The following DOCK1 variants were observed in gnomAD, a reference collection of about 807,000 sequenced individuals.
The protein encoded by DOCK1 is dedicator of cytokinesis protein 1.
A neutral mutation model predicts 262.7 loss-of-function variants in DOCK1; 138 were observed. The observed-to-expected ratio is 0.53, with a 90% confidence interval of 0.46 to 0.61. DOCK1 has a LOEUF of 0.61. Among genes scored for constraint, DOCK1 ranks in the 20% least tolerant of loss-of-function variants. The pLI, the probability that DOCK1 is intolerant of heterozygous loss-of-function variation, is 0.00. For missense variants in DOCK1, 1,908 were observed against 2,370.7 expected (o/e 0.80, Z 4.05); for synonymous variants, 866 against 867.4 (o/e 1.00, Z 0.03).
At chr10:127,209,769 C>T (rs935880400) in intron 27 of DOCK1, among the ~76,000 whole-genome samples, 1 of 152,168 alleles carries the variant, frequency 6.6e-6, no homozygotes, top group Non-Finnish European at 1.5e-5. Flanking sequence ...AAAGGTTACA[C>T]ATAGAATTTA....
chr10:127,348,915 G>C (rs2063760419), intron 31 of DOCK1, among the ~76,000 whole-genome samples: 1 of 152,122 alleles, frequency 6.6e-6, no homozygotes, highest in Non-Finnish European at 1.5e-5. Context: ...AATTTAATTT[G>C]TGTCTGTGCT....
intron 27 of DOCK1, among the ~76,000 whole-genome samples, chr10:127,226,481 C>T (rs572032791): frequency 7.0e-6 from 1 of 143,576 alleles, no homozygotes; most frequent in Admixed American, 7.3e-5. Context: ...CAGTGGCTCA[C>T]ACCTGTCATC....
chr10:127,394,470 T>C (rs542484329), intron 38 of DOCK1, among the ~76,000 whole-genome samples: 149 of 152,214 alleles, frequency 9.8e-4, no homozygotes, highest in African/African-American at 3.4e-3. Context: ...TGGGGTGAAA[T>C]TTTCACATCT....
intron 1 of DOCK1, among the ~76,000 whole-genome samples, chr10:126,948,614 G>T (rs1043459148): frequency 5.9e-5 from 9 of 152,032 alleles, no homozygotes; most frequent in Admixed American, 5.2e-4. Context: ...GCCACAGATG[G>T]AGAAGGAAAG....
chr10:127,021,392 C>T (rs549221140), intron 13 of DOCK1, among the ~76,000 whole-genome samples: 2 of 152,260 alleles, frequency 1.3e-5, no homozygotes, highest in South Asian at 4.2e-4. Context: ...CTCAAACTCC[C>T]GAGCTCAGGC....
intron 29 of DOCK1, among the ~76,000 whole-genome samples, chr10:127,299,391 G>A (rs970787000): frequency 5.9e-5 from 9 of 152,114 alleles, no homozygotes; most frequent in African/African-American, 9.7e-5. Flanking sequence ...GGCGTGAGCC[G>A]CCGCGCCCGG....
At chr10:127,120,337 T>C (rs2049477255) in intron 25 of DOCK1, among the ~76,000 whole-genome samples, 1 of 152,252 alleles carries the variant, frequency 6.6e-6, no homozygotes, top group South Asian at 2.1e-4. Context: ...TCTAGCATTC[T>C]CTGAGACTGT....
chr10:127,077,255 C>T (rs1177594396), intron 23 of DOCK1, among the ~76,000 whole-genome samples: 1 of 151,836 alleles, frequency 6.6e-6, no homozygotes, highest in African/African-American at 2.4e-5. Context: ...ATTAGCTGGG[C>T]GTGGTGGTGG....
intron 27 of DOCK1, among the ~76,000 whole-genome samples, chr10:127,212,120 C>G (rs1424124720): frequency 1.3e-5 from 2 of 152,194 alleles, no homozygotes; most frequent in Non-Finnish European, 1.5e-5. Flanking sequence ...TGCATCCTTT[C>G]AATGACTCCG....
intron 31 of DOCK1, among the ~76,000 whole-genome samples, chr10:127,352,270 G>A (rs2063917459): frequency 2.1e-5 from 2 of 94,460 alleles, no homozygotes; most frequent in Non-Finnish European, 4.0e-5. Flanking sequence ...TCGGGGAGGG[G>A]TGGGGAGGGG....
At chr10:127,298,552 C>T (rs1389322325) in intron 29 of DOCK1, among the ~76,000 whole-genome samples, 1 of 152,196 alleles carries the variant, frequency 6.6e-6, no homozygotes, top group East Asian at 1.9e-4. Context: ...AATTTCCCCA[C>T]AGCATTTCTC....
intron 1 of DOCK1, among the ~76,000 whole-genome samples, chr10:126,950,166 C>T (rs1165211283): frequency 3.3e-5 from 5 of 152,192 alleles, no homozygotes; most frequent in South Asian, 2.1e-4. Flanking sequence ...CAGTCAGTGG[C>T]TGTTCCATGG....
intron 23 of DOCK1, among the ~76,000 whole-genome samples, chr10:127,094,919 G>A (rs1336448321): frequency 6.6e-6 from 1 of 152,174 alleles, no homozygotes. Flanking sequence ...CTAGACAGGT[G>A]ACCAGTTTTC....
intron 22 of DOCK1, among the ~76,000 whole-genome samples, chr10:127,059,912 T>C (rs9418730): frequency 0.17 from 26,423 of 152,208 alleles, 2,463 homozygotes; most frequent in South Asian, 0.32. Flanking sequence ...GATGTGATCT[T>C]CTTCCAGAGA....
rs1285845994 is a variant in DOCK1 at position 126,995,042 on chromosome 10, G to C, written c.474-1706G>C. On this transcript the variant is annotated intron_variant, in intron 6 of 51. Transcript: ENST00000623213. The surrounding 1 kb of genome is among the most constrained non-coding windows in gnomAD (Gnocchi z 5.8). ...CAGAGACACTCCTCAGTTCCCAGAC[G>C]GGGTCGTGGCTGGGCAGAGGCGCTC... 2.0e-5 allele frequency among the ~76,000 whole-genome samples: 3 copies of C among 151,894 alleles called. No homozygotes were observed. The highest frequency in any genetic ancestry group is 4.4e-5 in the Non-Finnish European group (3 of 67,948).
At position 127,439,008 on chromosome 10, in the gene DOCK1, T is replaced by A; in HGVS notation, c.5061-19T>A. 6.5e-7 allele frequency: 1 copy of A among 1,545,380 alleles called. No individual in the cohort carries two copies. Among genetic ancestry groups the A allele is most frequent in the Non-Finnish European group, 8.7e-7 (1 of 1,144,648 alleles). On this transcript the variant is annotated intron_variant, in intron 48 of 51. Coordinates refer to ENST00000623213, the MANE Select transcript of DOCK1 (RefSeq NM_001290223.2). The stretch of plus-strand genomic sequence containing the variant: ...AAGCAATTGCTCTCCTATTAAGACG[T>A]CATTGACCTTTCCTTTAGGTTTGCC...
intron 29 of DOCK1, among the ~76,000 whole-genome samples, chr10:127,277,921 G>A (rs2060801968): frequency 7.4e-6 from 1 of 134,880 alleles, no homozygotes; most frequent in South Asian, 3.1e-4. Context: ...TCATGTAAAA[G>A]TCAACTTTCT....
chr10:127,066,426 G>A (rs1028773240), intron 23 of DOCK1, among the ~76,000 whole-genome samples: 1 of 152,180 alleles, frequency 6.6e-6, no homozygotes, highest in African/African-American at 2.4e-5. Flanking sequence ...CTCTTTTGGT[G>A]TTTTCCTGAA....
chr10:127,400,405 G>A (rs1055409911), intron 38 of DOCK1, among the ~76,000 whole-genome samples: 1 of 152,230 alleles, frequency 6.6e-6, no homozygotes, highest in Admixed American at 6.5e-5. Flanking sequence ...TGCCTCCCCT[G>A]TGGGAACCTG....
Sources: allele counts gnomAD v4.1 joint callset (sites outside exome capture counted in the v4.1 genomes callset), GRCh38; gene constraint gnomAD v4.1.1; non-coding constraint Gnocchi (gnomAD v3.1); transcripts MANE v1.5; gene names NCBI Gene and HGNC (gene_info 2026-07-23, HGNC 2026-07-21).